LCOR: variants seen among roughly 807,000 people sequenced by gnomAD.
The protein encoded by LCOR is ligand dependent nuclear receptor corepressor.
LCOR carries 14 observed loss-of-function variants against 64.4 expected under a neutral mutation model. The observed-to-expected ratio is 0.22, with a 90% CI of 0.14 to 0.34. LCOR has a LOEUF of 0.34. LCOR is among the 10% of genes least tolerant of loss of function. The probability of loss-of-function intolerance (pLI) is 1.00; values close to 1 mark genes in which losing one functional copy is unlikely to be tolerated. For missense variants in LCOR, 1,686 were observed against 1,765.3 expected (o/e 0.96, Z 0.80); for synonymous variants, 643 against 642.5 (o/e 1.00, Z -0.01).
rs1056909234 is a variant in LCOR at position 96,987,032 on chromosome 10, G to T, written c.*1898G>T. 6 of 152,132 alleles carry T rather than the reference G, an allele frequency of 3.9e-5. No individual in the cohort carries two copies. The highest frequency in any genetic ancestry group is 7.4e-5 in the Non-Finnish European group (5 of 68,026). 9.4% of individuals were successfully genotyped at this position (152,132 alleles called of 1,614,324 possible). ...CTAGAGAAGCTTGCTGTCTTATGAA[G>T]CCCTGATTTTTTTTCATGTCTTCTC... is the stretch of plus-strand genomic sequence containing the variant. On this transcript the variant is annotated 3_prime_UTR_variant, in exon 8 of 8. Transcript: ENST00000421806.
At chr10:96,917,274 T>G (rs189136064) in intron 4 of LCOR, among the ~76,000 whole-genome samples, 44 of 152,350 alleles carry the variant, frequency 2.9e-4, no homozygotes, top group Middle Eastern at 3.4e-3. Context: ...GTTCTGTGTT[T>G]GGCCAGAGAA....
chr10:96,993,621 A>G lies in LCOR; in HGVS notation c.*8487A>G, dbSNP rs1204567280. 6.6e-6 allele frequency: 1 copy of G among 152,002 alleles called. No individual in the cohort carries two copies. Among genetic ancestry groups the G allele is most frequent in the African/African-American group, 2.4e-5 (1 of 41,384 alleles). 9.4% of individuals were successfully genotyped at this position (152,002 alleles called of 1,614,324 possible). On this transcript the variant is annotated 3_prime_UTR_variant, in exon 8 of 8. Transcript: ENST00000421806. Reference sequence around the variant, plus strand: ...TTTTGAGCAGTGGACTTCCTTTCATAACACAGTTCACACATGGAGAAAGAA... The same window carrying G: ...TTTTGAGCAGTGGACTTCCTTTCATGACACAGTTCACACATGGAGAAAGAA...
chr10:96,984,951 G>C lies in LCOR; in HGVS notation c.4491G>C (p.Gln1497His). The change falls in exon 8 of 8, where the codon CAG becomes CAC. Residue 1497 changes from glutamine to histidine, a missense_variant. By Grantham distance (24) the Gln-to-His change is conservative. Coordinates refer to ENST00000421806, the MANE Select transcript of LCOR (RefSeq NM_001346516.2). ...ASETLTKPAK[Q>H]KGAGESSSRP... ...AAACACTGACGAAACCTGCAAAACA[G>C]AAGGGGGCCGGTGAATCCTCTTCAA... The C allele has an allele frequency of 1.9e-6, 3 of 1,614,178 alleles. No homozygotes were observed. Among genetic ancestry groups the C allele is most frequent in the South Asian group, 1.1e-5 (1 of 91,082 alleles).
rs1435822244 is a variant in LCOR at position 96,990,226 on chromosome 10, T to C, written c.*5092T>C. 1 of 152,108 alleles carries C rather than the reference T, an allele frequency of 6.6e-6. No homozygotes were observed. The highest frequency in any genetic ancestry group is 1.5e-5 in the Non-Finnish European group (1 of 68,018). 9.4% of individuals were successfully genotyped at this position (152,108 alleles called of 1,614,324 possible). On this transcript the variant is annotated 3_prime_UTR_variant, in exon 8 of 8. Transcript: ENST00000421806. ...TCTGTCGCCCCAGGCTGGAGTGCAA[T>C]GGGCATATGGTCTTATCTATTAGGG... is the stretch of plus-strand genomic sequence containing the variant.
At chr10:96,925,544 A>G (rs1847154242) in intron 4 of LCOR, among the ~76,000 whole-genome samples, 1 of 152,182 alleles carries the variant, frequency 6.6e-6, no homozygotes, top group Non-Finnish European at 1.5e-5. Flanking sequence ...GCATCATATC[A>G]TGAAGCATAC....
rs1406928984 is a variant in LCOR, at chr10:96,981,924, A to G, written c.1464A>G (p.Lys488=). Residue 488 remains lysine (K), a synonymous_variant, in exon 8 of 8, where the codon AAA becomes AAG. Coordinates refer to ENST00000421806, the MANE Select transcript of LCOR (RefSeq NM_001346516.2). ...PITECHFENQ[K]SILSSRKTAR... ...CAGAATGCCACTTTGAGAATCAAAA[A>G]TCAATATTATCTTCTCGGAAAACAG... 1 of 1,614,222 alleles carries G rather than the reference A, an allele frequency of 6.2e-7. No individual in the cohort carries two copies. Among genetic ancestry groups the G allele is most frequent in the Non-Finnish European group, 8.5e-7 (1 of 1,180,046 alleles).
chr10:96,876,291 A>G (rs1007224729), intron 2 of LCOR, among the ~76,000 whole-genome samples: 1 of 152,152 alleles, frequency 6.6e-6, no homozygotes, highest in Non-Finnish European at 1.5e-5. Flanking sequence ...AAAAGCCCCT[A>G]TTCCCATCAT....
chr10:96,920,170 G>C (rs192194261), intron 4 of LCOR, among the ~76,000 whole-genome samples: 41 of 150,948 alleles, frequency 2.7e-4, no homozygotes, highest in Non-Finnish European at 3.7e-4. Context: ...TTCCGTGGGT[G>C]TATTTTTTTT....
intron 2 of LCOR, among the ~76,000 whole-genome samples, chr10:96,845,408 A>G (rs1179175018): frequency 6.8e-6 from 1 of 146,864 alleles, no homozygotes; most frequent in East Asian, 2.0e-4. Context: ...TTCATCTAGT[A>G]AAGAAGCTGA....
chr10:96,872,076 T>TC (rs1846081526), intron 2 of LCOR, among the ~76,000 whole-genome samples: 1 of 152,184 alleles, frequency 6.6e-6, no homozygotes, highest in African/African-American at 2.4e-5. Flanking sequence ...TGAGTACTGT[T>TC]CCTAAAATAC....
At chr10:96,897,069 G>GAGAA (rs1554835303) in intron 2 of LCOR, among the ~76,000 whole-genome samples, 3 of 116,410 alleles carry the variant, frequency 2.6e-5, no homozygotes, top group African/African-American at 7.6e-5. Flanking sequence ...GAGAGAGAGA[G>GAGAA]AGAGAAAGAG....
intron 2 of LCOR, among the ~76,000 whole-genome samples, chr10:96,901,762 C>T (rs1846641987): frequency 6.6e-6 from 1 of 152,068 alleles, no homozygotes; most frequent in Non-Finnish European, 1.5e-5. Flanking sequence ...CCATCCGTTC[C>T]TCCATCTGTC....
Position 96,983,460 on chromosome 10 carries a change from G to C in LCOR, c.3000G>C (p.Gln1000His), listed in dbSNP as rs755383989. The stretch of plus-strand genomic sequence containing the variant: ...ATGAGGTAGACAACGAAAACACCCA[G>C]CAGAAAGATGATGAGAGTGATGCCC... ...AVNEVDNENT[Q>H]QKDDESDAPC... The change falls in exon 8 of 8, where the codon CAG becomes CAC. Residue 1000 changes from glutamine (Q) to histidine (H), a missense_variant. Coordinates refer to ENST00000421806, the MANE Select transcript of LCOR (RefSeq NM_001346516.2). This position sits in a 1 kb window ranked among gnomAD's most constrained non-coding sequence, Gnocchi z 4.5. 6.2e-7 allele frequency: 1 copy of C among 1,614,178 alleles called. No individual in the cohort carries two copies. The highest frequency in any genetic ancestry group is 1.3e-5 in the African/African-American group (1 of 75,052).
rs771115285 is a variant in LCOR, at chr10:96,984,802, A to G, written c.4342A>G (p.Lys1448Glu). ...AARDRSSQPP[K>E]KTSLKENKVK... ...AAGGGACAGAAGCAGCCAACCCCCC[A>G]AAAAGACGTCTTTGAAAGAGAATAA... Residue 1448 changes from lysine (K) to glutamate (E), a missense_variant, in exon 8 of 8, where the codon AAA becomes GAA. Lys to Glu is a moderately conservative substitution (Grantham distance 56). Around this residue, in one of 3 missense-constraint regions of LCOR, gnomAD observed 1,293 missense variants for 1,410.4 expected, o/e 0.92. Transcript: ENST00000421806. 1.9e-6 allele frequency: 3 copies of G among 1,614,086 alleles called. No individual in the cohort carries two copies. The South Asian group carries it at 3.3e-5, about 18-fold the overall frequency.
intron 4 of LCOR, among the ~76,000 whole-genome samples, chr10:96,943,636 G>A (rs1195426547): frequency 1.3e-5 from 2 of 151,948 alleles, no homozygotes; most frequent in Non-Finnish European, 2.9e-5. Flanking sequence ...CTTCCTAATG[G>A]CCTTTTAAAA....
At chr10:96,968,394 G>A (rs898825713) in intron 7 of LCOR, among the ~76,000 whole-genome samples, 1 of 152,190 alleles carries the variant, frequency 6.6e-6, no homozygotes, top group African/African-American at 2.4e-5. Context: ...GTTAGATTCA[G>A]TTTTAACTAA....
chr10:96,886,900 A>G (rs1210858609), intron 2 of LCOR, among the ~76,000 whole-genome samples: 1 of 152,244 alleles, frequency 6.6e-6, no homozygotes, highest in Non-Finnish European at 1.5e-5. Context: ...ACCTAAAGAT[A>G]TGCTACACTA....
rs992943252 is a variant in LCOR at position 96,929,937 on chromosome 10, A to G, written c.-183-14176A>G. ...TTCAGTGGATCAGAACACACCTAAC[A>G]TTTATCAATTTAGTTCACCATCTTA... is the stretch of plus-strand genomic sequence containing the variant. On this transcript the variant is annotated intron_variant, in intron 4 of 7. Coordinates refer to ENST00000421806, the MANE Select transcript of LCOR (RefSeq NM_001346516.2). Among the ~76,000 whole-genome samples the G allele has an allele frequency of 5.3e-5, 8 of 152,304 alleles. No individual in the cohort carries two copies. The South Asian group carries it at 1.0e-3, about 20-fold the overall frequency.
chr10:96,901,217 G>T (rs942679009), intron 2 of LCOR, among the ~76,000 whole-genome samples: 1 of 151,988 alleles, frequency 6.6e-6, no homozygotes, highest in African/African-American at 2.4e-5. Context: ...AAGAGATGGG[G>T]TCTCCTCATG....
Sources: allele counts gnomAD v4.1 joint callset (sites outside exome capture counted in the v4.1 genomes callset), GRCh38; gene constraint gnomAD v4.1.1; regional missense constraint gnomAD v4.1.1; non-coding constraint Gnocchi (gnomAD v3.1); transcripts MANE v1.5; gene names NCBI Gene and HGNC (gene_info 2026-07-23, HGNC 2026-07-21).